Variants in GREB1 observed in about 807,000 individuals in gnomAD.
The protein encoded by GREB1 is growth regulating estrogen receptor binding 1, also known as protein GREB1.
A neutral mutation model predicts 200.7 loss-of-function variants in GREB1; 106 were observed. The observed-to-expected ratio is 0.53, with a 90% CI of 0.45 to 0.62. The LOEUF (loss-of-function observed/expected upper bound fraction) is 0.62. GREB1 is among the 20% of genes least tolerant of loss of function. The probability of loss-of-function intolerance (pLI) is 0.00; values close to 1 mark genes in which losing one functional copy is unlikely to be tolerated. For synonymous variants in GREB1, 1,132 were observed against 1,092.4 expected, an observed-to-expected ratio of 1.04 and a Z score of -0.72; for missense variants, 2,243 against 2,556.8, an observed-to-expected ratio of 0.88 and a Z score of 2.65.
intron 22 of GREB1, among the ~76,000 whole-genome samples, chr2:11,619,463 C>A (rs774518498): frequency 4.6e-5 from 7 of 152,106 alleles, no homozygotes; most frequent in African/African-American, 1.4e-4. Flanking sequence ...GGCTGGGATG[C>A]GGTTCAGTAT....
At chr2:11,516,441 G>C (rs1673504130) in intron 1 of GREB1, among the ~76,000 whole-genome samples, 2 of 151,944 alleles carry the variant, frequency 1.3e-5, no homozygotes, top group Admixed American at 6.6e-5. Flanking sequence ...TCTCCACACA[G>C]ACCAGATTCC....
intron 4 of GREB1, among the ~76,000 whole-genome samples, chr2:11,568,978 C>T (rs376959663): frequency 1.1e-4 from 16 of 152,346 alleles, no homozygotes; most frequent in South Asian, 6.2e-4. Flanking sequence ...AGCCCTGCAG[C>T]GGCAGGGCTC....
At chr2:11,592,347 A>T (rs201995143) in intron 10 of GREB1, among the ~76,000 whole-genome samples, 231 of 131,318 alleles carry the variant, frequency 1.8e-3, no homozygotes, top group African/African-American at 3.5e-3. Context: ...TTTTTTTTTT[A>T]AAAAGAGGAC....
intron 1 of GREB1, among the ~76,000 whole-genome samples, chr2:11,523,289 G>T (rs1238718868): frequency 6.6e-6 from 1 of 152,050 alleles, no homozygotes; most frequent in African/African-American, 2.4e-5. Flanking sequence ...ACTAGACTTT[G>T]TACCCGGGTG....
chr2:11,637,764 C>T lies in GREB1; in HGVS notation c.5395C>T (p.Pro1799Ser), dbSNP rs1432109373. ...CGTGCCGGCCCAGTACATCTGTGCC[C>T]CGGACAGCAAGCACACGTTCCTCGC... The part of the protein sequence containing the change: ...AVVPAQYICA[P>S]DSKHTFLAAP... The change falls in exon 31 of 33, where the codon CCG (proline) becomes TCG (serine). Residue 1799 changes from proline to serine, a missense_variant. Physicochemically the swap from Pro to Ser is moderately conservative, Grantham distance 74 (BLOSUM62 -1). This residue lies in a region of GREB1 where 478 missense variants were observed against 616.3 expected (regional missense o/e 0.78). Coordinates refer to ENST00000381486, the MANE Select transcript of GREB1 (RefSeq NM_014668.4). The T allele has an allele frequency of 6.2e-7, 1 of 1,613,966 alleles. No homozygotes were observed. Among genetic ancestry groups the T allele is most frequent in the East Asian group, 2.2e-5 (1 of 44,858 alleles).
intron 11 of GREB1, among the ~76,000 whole-genome samples, chr2:11,593,348 G>A (rs887721596): frequency 6.6e-6 from 1 of 152,226 alleles, no homozygotes; most frequent in African/African-American, 2.4e-5. Context: ...TAGCCCTGGG[G>A]TCAGCTTGGG....
chr2:11,587,089 C>A (rs547055193), intron 9 of GREB1, among the ~76,000 whole-genome samples: 1 of 152,190 alleles, frequency 6.6e-6, no homozygotes, highest in Non-Finnish European at 1.5e-5. Context: ...CACGAGCAAT[C>A]TCAGAATAGA....
intron 1 of GREB1, among the ~76,000 whole-genome samples, chr2:11,539,482 T>C (rs1188458763): frequency 1.3e-5 from 2 of 152,236 alleles, no homozygotes; most frequent in East Asian, 3.9e-4. Context: ...AGGTCCACGC[T>C]ACCTGTAGTC....
intron 10 of GREB1, among the ~76,000 whole-genome samples, chr2:11,591,162 T>C (rs965243960): frequency 6.6e-6 from 1 of 152,234 alleles, no homozygotes; most frequent in Non-Finnish European, 1.5e-5. Flanking sequence ...TCTAATTAAA[T>C]TCTAATTTGA....
intron 23 of GREB1, among the ~76,000 whole-genome samples, chr2:11,624,001 A>G (rs1249785751): frequency 6.6e-6 from 1 of 152,244 alleles, no homozygotes; most frequent in Non-Finnish European, 1.5e-5. Flanking sequence ...TCAGTTGCAC[A>G]ATGTGTTTGT....
At chr2:11,519,004 G>A (rs760575418) in intron 1 of GREB1, among the ~76,000 whole-genome samples, 69 of 151,790 alleles carry the variant, frequency 4.5e-4, no homozygotes, top group Non-Finnish European at 8.4e-4. Context: ...GGAGGCTGAG[G>A]CAGGATGGCG....
Position 11,629,707 on chromosome 2 carries a change from G to T in GREB1, c.4450-241G>T, listed in dbSNP as rs1243219838. On this transcript the variant is annotated intron_variant, in intron 25 of 32. Coordinates refer to ENST00000381486, the MANE Select transcript of GREB1 (RefSeq NM_014668.4). The surrounding 1 kb of genome is among the most constrained non-coding windows in gnomAD (Gnocchi z 5.2). Reference sequence around the variant, plus strand: ...ATGCCTGCTTGGCACAGCAGGGTGAGGCCCCATGCGGACTGAGGATGGGAG... The same window carrying T: ...ATGCCTGCTTGGCACAGCAGGGTGATGCCCCATGCGGACTGAGGATGGGAG... Among the ~76,000 whole-genome samples the T allele has an allele frequency of 6.6e-6, 1 of 152,170 alleles. No homozygotes were observed. The highest frequency in any genetic ancestry group is 1.5e-5 in the Non-Finnish European group (1 of 68,016).
intron 5 of GREB1, 31 bp from the exon 6 acceptor site, chr2:11,578,266 T>G: frequency 1.3e-6 from 2 of 1,594,574 alleles, no homozygotes; most frequent in Non-Finnish European, 1.7e-6. Context: ...AAGAGCGAGT[T>G]GGTTTTCACG....
chr2:11,537,723 T>G (rs1212203871), intron 1 of GREB1, among the ~76,000 whole-genome samples: 1 of 147,504 alleles, frequency 6.8e-6, no homozygotes, highest in African/African-American at 2.5e-5. Flanking sequence ...ATATATGATA[T>G]TTATATAATA....
intron 1 of GREB1, among the ~76,000 whole-genome samples, chr2:11,552,996 C>A (rs1234691894): frequency 5.1e-5 from 6 of 117,064 alleles, no homozygotes; most frequent in Non-Finnish European, 8.0e-5. Context: ...GGCGACAGAG[C>A]GAAACTCCGT....
intron 29 of GREB1, 55 bp downstream of exon 29, chr2:11,634,404 T>C (rs988208327): frequency 1.3e-5 from 19 of 1,410,978 alleles, no homozygotes; most frequent in Non-Finnish European, 1.8e-5. Context: ...CGCAGAGTCC[T>C]GAGTGAGGGC....
chr2:11,618,518 G>T lies in GREB1; in HGVS notation c.3643G>T (p.Val1215Phe), dbSNP rs1683706909. Reference protein sequence around the residue: ...RTGQRSVQVSVTSSCSQLSSS... With the variant: ...RTGQRSVQVSFTSSCSQLSSS... Reference sequence around the variant, plus strand: ...CGGCCAGAGGAGCGTCCAGGTGTCGGTCACCTCGTCGTGCTCCCAGCTGTC... The same window carrying T: ...CGGCCAGAGGAGCGTCCAGGTGTCGTTCACCTCGTCGTGCTCCCAGCTGTC... The change falls in exon 22 of 33, where the codon GTC becomes TTC. Residue 1215 changes from valine (V) to phenylalanine (F), a missense_variant. Physicochemically the swap from Val to Phe is conservative, Grantham distance 50. This residue lies in a region of GREB1 where 587 missense variants were observed against 553.1 expected (regional missense o/e 1.06). Coordinates refer to ENST00000381486, the MANE Select transcript of GREB1 (RefSeq NM_014668.4). The T allele has an allele frequency of 6.2e-7, 1 of 1,611,856 alleles. No homozygotes were observed. Among genetic ancestry groups the T allele is most frequent in the African/African-American group, 1.3e-5 (1 of 74,900 alleles).
chr2:11,528,450 G>A (rs1673957887), intron 1 of GREB1, among the ~76,000 whole-genome samples: 1 of 152,192 alleles, frequency 6.6e-6, no homozygotes, highest in Admixed American at 6.5e-5. Flanking sequence ...GGTTAGACTA[G>A]GTGAGAGATT....
intron 1 of GREB1, among the ~76,000 whole-genome samples, chr2:11,513,638 G>C (rs12165170): frequency 0.05 from 7,614 of 151,946 alleles, 548 homozygotes; most frequent in African/African-American, 0.16. Flanking sequence ...GCAGCAACAC[G>C]CAATTTCCTG....
Sources: allele counts gnomAD v4.1 joint callset (sites outside exome capture counted in the v4.1 genomes callset), GRCh38; gene constraint gnomAD v4.1.1; regional missense constraint gnomAD v4.1.1; non-coding constraint Gnocchi (gnomAD v3.1); transcripts MANE v1.5; gene names NCBI Gene and HGNC (gene_info 2026-07-23, HGNC 2026-07-21).